SNRNP200: variants seen among roughly 807,000 people sequenced by gnomAD.
The protein encoded by SNRNP200 is U5 small nuclear ribonucleoprotein 200 kDa helicase.
In SNRNP200, 66 loss-of-function variants were observed where a neutral mutation model predicts 255.2. The ratio of observed to expected loss-of-function variants is 0.26; its 90% CI spans 0.21 to 0.32. The LOEUF is 0.32. SNRNP200 is among the 10% of genes least tolerant of loss of function. The pLI, the probability that SNRNP200 is intolerant of heterozygous loss-of-function variation, is 1.00. For missense variants in SNRNP200, 1,585 were observed against 2,749.8 expected, an observed-to-expected ratio of 0.58 and a Z score of 9.47; for synonymous variants, 939 against 1,027.8, an observed-to-expected ratio of 0.91 and a Z score of 1.65.
At chr2:96,279,919 T>A (rs1018683138) in intron 35 of SNRNP200, 8 of 324,604 alleles carry the variant, frequency 2.5e-5, no homozygotes, top group Non-Finnish European at 4.8e-5. Context: ...TTTTATTTGT[T>A]TTTTGATACA....
rs1038588741 is a variant in SNRNP200 at position 96,278,021 on chromosome 2, C to T, written c.5611-71G>A. On this transcript the variant is annotated intron_variant, in intron 39 of 44. Transcript: ENST00000323853. The surrounding 1 kb of genome is among the most constrained non-coding windows in gnomAD (Gnocchi z 6.9). ...CCTGAGACCAGCTCAGGCCAAAGCA[C>T]CACGTGGCCCAGGCTCACACAGCCC... 6.2e-7 allele frequency: 1 copy of T among 1,604,008 alleles called. No homozygotes were observed. Among genetic ancestry groups the T allele is most frequent in the Non-Finnish European group, 8.5e-7 (1 of 1,171,506 alleles).
chr2:96,290,738 C>T lies in SNRNP200; in HGVS notation c.2499G>A (p.Val833=), dbSNP rs768979907. ...TCCAACGCCCCTTCTCTGGACTGTA[C>T]ACCTGGGTGCCTTTGATGATGACTG... ...AHTVIIKGTQ[V]YSPEKGRWTE... is the part of the protein sequence containing the mutation. The change falls in exon 19 of 45, where the codon GTG becomes GTA. Residue 833 remains valine, a synonymous_variant. Transcript: ENST00000323853. The surrounding 1 kb of genome is among the most constrained non-coding windows in gnomAD (Gnocchi z 4.5). 4 of 1,614,218 alleles carry T rather than the reference C, an allele frequency of 2.5e-6. No individual in the cohort carries two copies. Among genetic ancestry groups the T allele is most frequent in the Admixed American group, 1.7e-5 (1 of 60,028 alleles).
Position 96,286,571 on chromosome 2 carries a change from A to T in SNRNP200, c.3830-87T>A. The T allele has an allele frequency of 6.3e-7, 1 of 1,590,516 alleles. No individual in the cohort carries two copies. Among genetic ancestry groups the T allele is most frequent in the Non-Finnish European group, 8.6e-7 (1 of 1,161,988 alleles). The stretch of plus-strand genomic sequence containing the variant: ...TCCCCTCCATGAACACTGGAAACCT[A>T]GGCAGCATATGTATCACTCTGTCCC... On this transcript the variant is annotated intron_variant, in intron 28 of 44. Coordinates refer to ENST00000323853, the MANE Select transcript of SNRNP200 (RefSeq NM_014014.5). The surrounding 1 kb of genome is among the most constrained non-coding windows in gnomAD (Gnocchi z 4.8).
intron 5 of SNRNP200, among the ~76,000 whole-genome samples, chr2:96,300,416 G>A (rs2063944943): frequency 6.6e-6 from 1 of 152,142 alleles, no homozygotes; most frequent in Admixed American, 6.5e-5. Flanking sequence ...AGTATACACT[G>A]TACTTTAACT....
intron 14 of SNRNP200, 137 bp from the exon 15 acceptor site, chr2:96,293,646 A>G (rs1372603286): frequency 1.3e-6 from 1 of 744,558 alleles, no homozygotes; most frequent in Non-Finnish European, 2.3e-6. Context: ...ACAGATGCCC[A>G]AAGGATGGAG....
intron 3 of SNRNP200, among the ~76,000 whole-genome samples, chr2:96,302,294 G>A (rs952352810): frequency 2.0e-5 from 3 of 152,060 alleles, no homozygotes; most frequent in Non-Finnish European, 4.4e-5. Context: ...CACACAAATC[G>A]AGTGCTCAGT....
chr2:96,294,063 G>A (rs1242688274), intron 14 of SNRNP200, among the ~76,000 whole-genome samples: 1 of 150,808 alleles, frequency 6.6e-6, no homozygotes, highest in Non-Finnish European at 1.5e-5. Flanking sequence ...CCATGGATCA[G>A]GCTTCAAGTA....
rs1365862769 is a variant in SNRNP200, at chr2:96,277,334, C to T, written c.5932-93G>A. 3.5e-6 allele frequency: 5 copies of T among 1,409,494 alleles called. No individual in the cohort carries two copies. Among genetic ancestry groups the T allele is most frequent in the Non-Finnish European group, 5.0e-6 (5 of 997,478 alleles). The allele number at this position is 1,409,494 out of a possible 1,614,324, so 87.3% of individuals were successfully genotyped here. A position where few individuals can be genotyped will look rare whatever the true frequency, so the allele number is the denominator to read the frequency against. On this transcript the variant is annotated intron_variant, in intron 41 of 44. Transcript: ENST00000323853. This position sits in a 1 kb window ranked among gnomAD's most constrained non-coding sequence, Gnocchi z 4.4. The stretch of plus-strand genomic sequence containing the variant: ...AGAGCTACTAATTTTACCTCCTACA[C>T]TATCAAGTCATCTAGATAAAACAGC...
At chr2:96,280,914 G>A (rs1191449213) in intron 35 of SNRNP200, among the ~76,000 whole-genome samples, 31 of 145,866 alleles carry the variant, frequency 2.1e-4, no homozygotes, top group African/African-American at 6.4e-4. Flanking sequence ...GTGCAATGGC[G>A]CGATCTTGGC....
chr2:96,298,208 G>A, intron 9 of SNRNP200, 76 bp downstream of exon 9: 1 of 1,598,598 alleles, frequency 6.3e-7, no homozygotes, highest in Non-Finnish European at 8.6e-7. Flanking sequence ...CTTTTAACAT[G>A]AATTTAGCTT....
At position 96,278,795 on chromosome 2, in the gene SNRNP200, C is replaced by T; in HGVS notation, c.5323+14G>A. The T allele has an allele frequency of 6.2e-7, 1 of 1,614,128 alleles. No homozygotes were observed. The highest frequency in any genetic ancestry group is 1.7e-5 in the Admixed American group (1 of 60,016). ...AACCACCAAAGGATCACGTGTGCTC[C>T]CAAGCCCACTGACCCTGCAGGTTGT... On this transcript the variant is annotated intron_variant, in intron 37 of 44. Coordinates refer to ENST00000323853, the MANE Select transcript of SNRNP200 (RefSeq NM_014014.5). The surrounding 1 kb of genome is among the most constrained non-coding windows in gnomAD (Gnocchi z 6.9).
chr2:96,290,554 G>C lies in SNRNP200; in HGVS notation c.2554-40C>G. ...GCGAACCAAGAATGCTATGTCAAGA[G>C]AATGTCTGAATTTTGATGCAGGTAT... On this transcript the variant is annotated intron_variant, in intron 19 of 44. Transcript: ENST00000323853. The surrounding 1 kb of genome is among the most constrained non-coding windows in gnomAD (Gnocchi z 4.5). 1.2e-6 allele frequency: 2 copies of C among 1,613,578 alleles called. No individual in the cohort carries two copies. Among genetic ancestry groups the C allele is most frequent in the South Asian group, 1.1e-5 (1 of 91,062 alleles).
chr2:96,304,209 G>A (rs539516590), intron 2 of SNRNP200, among the ~76,000 whole-genome samples: 1 of 151,426 alleles, frequency 6.6e-6, no homozygotes, highest in Non-Finnish European at 1.5e-5. Context: ...TAATGATGAG[G>A]TAAAGGTAAG....
chr2:96,296,410 A>G, intron 13 of SNRNP200, 126 bp downstream of exon 13: 2 of 973,724 alleles, frequency 2.1e-6, no homozygotes, highest in South Asian at 1.4e-5. Context: ...AAAAATAAAA[A>G]ATAACAACAA....
rs2063927317 is a variant in SNRNP200 at position 96,297,723 on chromosome 2, G to A, written c.1120-3C>T. 3 of 1,614,020 alleles carry A rather than the reference G, an allele frequency of 1.9e-6. No individual in the cohort carries two copies. In the African/African-American group the frequency reaches 4.0e-5, roughly 22 times the overall value. On this transcript the variant is annotated splice_polypyrimidine_tract_variant and splice_region_variant and intron_variant, in intron 9 of 44. Coordinates refer to ENST00000323853, the MANE Select transcript of SNRNP200 (RefSeq NM_014014.5). ...CGCTCTCTCCGGGACCTTTCCTCCT[G>A]TAGTGGACAAAGATAAAAATCACAA...
chr2:96,274,650 TA>T lies in SNRNP200; in HGVS notation c.*361del, dbSNP rs1336648379. ...ACTCATTAACAAGCACGTTCCTGGC[TA>T]AAAAATAACCAGATCTTTTTGGCCG... On this transcript the variant is annotated 3_prime_UTR_variant, in exon 45 of 45. Transcript: ENST00000323853. 2.8e-6 allele frequency: 1 copy of T among 355,258 alleles called. No homozygotes were observed. The highest frequency in any genetic ancestry group is 2.1e-5 in the African/African-American group (1 of 46,998). 22.0% of individuals were successfully genotyped at this position (355,258 alleles called of 1,614,324 possible). A position where few individuals can be genotyped will look rare whatever the true frequency, so the allele number is the denominator to read the frequency against.
intron 4 of SNRNP200, among the ~76,000 whole-genome samples, chr2:96,301,266 G>T (rs184818656): frequency 1.3e-5 from 2 of 152,130 alleles, no homozygotes; most frequent in Non-Finnish European, 2.9e-5. Context: ...GCCCAGCTCT[G>T]CTTGCTCAAC....
intron 30 of SNRNP200, 47 bp from the exon 31 acceptor site, chr2:96,284,632 C>T (rs1295101174): frequency 7.5e-7 from 1 of 1,334,180 alleles, no homozygotes; most frequent in African/African-American, 1.4e-5. Flanking sequence ...CCATACCAGG[C>T]ATCTTTCACT....
Position 96,287,562 on chromosome 2 carries a change from C to G in SNRNP200, c.3366-5G>C. On this transcript the variant is annotated splice_region_variant and splice_polypyrimidine_tract_variant and intron_variant, in intron 25 of 44. Coordinates refer to ENST00000323853, the MANE Select transcript of SNRNP200 (RefSeq NM_014014.5). The surrounding 1 kb of genome is among the most constrained non-coding windows in gnomAD (Gnocchi z 5.7). ...AGAGGACACATGGACTGCCACCTAT[C>G]CAGGAAGGAGGCAAAGCTGTTGGTC... 6.2e-7 allele frequency: 1 copy of G among 1,608,706 alleles called. No individual in the cohort carries two copies. Among genetic ancestry groups the G allele is most frequent in the Non-Finnish European group, 8.5e-7 (1 of 1,175,036 alleles).
Sources: gnomAD v4.1 joint callset for allele counts (sites outside exome capture counted in the v4.1 genomes callset) on GRCh38, gnomAD v4.1.1 for gene constraint, Gnocchi (gnomAD v3.1) non-coding constraint, MANE v1.5 for transcripts, NCBI Gene and HGNC (gene_info 2026-07-23, HGNC 2026-07-21) for gene names.